CRTC1: variants seen among roughly 807,000 people sequenced by gnomAD.
The protein encoded by CRTC1 is CREB regulated transcription coactivator 1.
CRTC1 carries 18 observed loss-of-function variants against 66.1 expected under a neutral mutation model. The observed-to-expected ratio is 0.27, with a 90% CI of 0.19 to 0.40. CRTC1 has a LOEUF of 0.40. Among genes scored for constraint, CRTC1 ranks in the 10% least tolerant of loss-of-function variants. The probability of loss-of-function intolerance (pLI) is 1.00; values close to 1 mark genes in which losing one functional copy is unlikely to be tolerated. For missense variants in CRTC1, 669 were observed against 887.9 expected, an observed-to-expected ratio of 0.75 and a Z score of 3.13; for synonymous variants, 416 against 398.8, an observed-to-expected ratio of 1.04 and a Z score of -0.51.
intron 1 of CRTC1, among the ~76,000 whole-genome samples, chr19:18,700,442 C>G (rs114786535): frequency 6.6e-5 from 10 of 152,104 alleles, no homozygotes; most frequent in African/African-American, 2.4e-4. Context: ...GCAGGCCGCC[C>G]TTCTCTTCCC....
At chr19:18,696,625 A>G (rs1568480716) in intron 1 of CRTC1, among the ~76,000 whole-genome samples, 1 of 152,114 alleles carries the variant, frequency 6.6e-6, no homozygotes, top group East Asian at 1.9e-4. Flanking sequence ...GCTGAGCCTC[A>G]GTTCATGTTC....
rs759958369 is a variant in CRTC1 at position 18,777,168 on chromosome 19, C to T, written c.1694-3C>T. On this transcript the variant is annotated splice_polypyrimidine_tract_variant and splice_region_variant and intron_variant, in intron 13 of 13. Coordinates refer to ENST00000321949, the MANE Select transcript of CRTC1 (RefSeq NM_015321.3). This position sits in a 1 kb window ranked among gnomAD's most constrained non-coding sequence, Gnocchi z 5.5. ...TGCCTTTTGTCCCCACCCCATCCCC[C>T]AGTGACAGGAGAGTCCCCCCCCAGC... The T allele has an allele frequency of 4.0e-6, 6 of 1,502,970 alleles. No homozygotes were observed. In the Admixed American group the frequency reaches 8.4e-5, roughly 21 times the overall value. 93.1% of individuals were successfully genotyped at this position (1,502,970 alleles called of 1,614,324 possible). A position where few individuals can be genotyped will look rare whatever the true frequency, so the allele number is the denominator to read the frequency against.
intron 1 of CRTC1, among the ~76,000 whole-genome samples, chr19:18,728,248 C>T (rs1039347318): frequency 6.6e-5 from 10 of 152,164 alleles, no homozygotes; most frequent in East Asian, 1.9e-4. Context: ...TGTCCCGTCC[C>T]GGCCCATCTC....
chr19:18,742,901 C>G lies in CRTC1; in HGVS notation c.127-9C>G, dbSNP rs1366534479. Reference sequence around the variant, plus strand: ...ACCCCTCCCGCAGCTGCTGGCTTCTCTCTCGCAGCTCCAGCTCCAGAAATC... The same window carrying G: ...ACCCCTCCCGCAGCTGCTGGCTTCTGTCTCGCAGCTCCAGCTCCAGAAATC... On this transcript the variant is annotated splice_polypyrimidine_tract_variant and intron_variant, in intron 1 of 13. Coordinates refer to ENST00000321949, the MANE Select transcript of CRTC1 (RefSeq NM_015321.3). The G allele has an allele frequency of 3.7e-6, 6 of 1,608,160 alleles. No individual in the cohort carries two copies. The highest frequency in any genetic ancestry group is 1.7e-5 in the Admixed American group (1 of 60,020).
At chr19:18,749,896 T>G (rs1454709265) in intron 5 of CRTC1, 21 bp downstream of exon 5, 3 of 1,602,452 alleles carry the variant, frequency 1.9e-6, no homozygotes, top group Non-Finnish European at 2.6e-6. Context: ...GGGACTCGGG[T>G]GTCTCTGCTG....
chr19:18,753,144 C>T (rs540854452), intron 5 of CRTC1, among the ~76,000 whole-genome samples: 33 of 151,904 alleles, frequency 2.2e-4, no homozygotes, highest in African/African-American at 7.0e-4. Context: ...GGCATCGTGG[C>T]GGGCACCTGT....
intron 1 of CRTC1, among the ~76,000 whole-genome samples, chr19:18,725,970 C>T (rs929663866): frequency 1.3e-5 from 2 of 152,226 alleles, no homozygotes; most frequent in African/African-American, 4.8e-5. Context: ...CTGCCTGTGC[C>T]CATGCAGATC....
In CRTC1 at chr19:18,741,834, C is replaced by T. The variant is rs903214546; in HGVS notation, c.127-1076C>T. Among the ~76,000 whole-genome samples, 15 of 152,212 alleles carry T rather than the reference C, an allele frequency of 9.9e-5. No individual in the cohort carries two copies. The highest frequency in any genetic ancestry group is 3.6e-4 in the African/African-American group (15 of 41,458). Reference sequence around the variant, plus strand: ...GCGAGGTGCTCAGCCGGGCAGGTGGCCAGTTCCCGGGCTTTACTTCCGCCT... The same window carrying T: ...GCGAGGTGCTCAGCCGGGCAGGTGGTCAGTTCCCGGGCTTTACTTCCGCCT... On this transcript the variant is annotated intron_variant, in intron 1 of 13. Coordinates refer to ENST00000321949, the MANE Select transcript of CRTC1 (RefSeq NM_015321.3). This position sits in a 1 kb window ranked among gnomAD's most constrained non-coding sequence, Gnocchi z 4.2.
chr19:18,717,585 C>T (rs907832692), intron 1 of CRTC1, among the ~76,000 whole-genome samples: 5 of 152,296 alleles, frequency 3.3e-5, no homozygotes, highest in African/African-American at 9.6e-5. Flanking sequence ...GAGGCAGACA[C>T]AGATGCGTGC....
Position 18,710,001 on chromosome 19 carries a change from T to C in CRTC1, c.126+26173T>C, listed in dbSNP as rs114587103. Among the ~76,000 whole-genome samples, 957 of 152,232 alleles carry C rather than the reference T, an allele frequency of 6.3e-3. 14 individuals carry two copies. The highest frequency in any genetic ancestry group is 0.022 in the African/African-American group (916 of 41,538). ...CCACAAAGCTCAGCTCTCTTGAGGC[T>C]CTGAGCCCAGCACCCGCCCCCCCAC... On this transcript the variant is annotated intron_variant, in intron 1 of 13. Coordinates refer to ENST00000321949, the MANE Select transcript of CRTC1 (RefSeq NM_015321.3).
Position 18,703,715 on chromosome 19 carries a change from G to A in CRTC1, c.126+19887G>A, listed in dbSNP as rs137889144. Among the ~76,000 whole-genome samples, 526 of 152,160 alleles carry A rather than the reference G, an allele frequency of 3.5e-3. 3 individuals are homozygous for A. Among genetic ancestry groups the A allele is most frequent in the African/African-American group, 0.011 (474 of 41,538 alleles). ...TGACCTCAGATGATTCGCTTGCCTT[G>A]GCCTCCCAAAGTGCTAGGATTATAG... On this transcript the variant is annotated intron_variant, in intron 1 of 13. Transcript: ENST00000321949.
At chr19:18,692,297 A>C (rs1429090140) in intron 1 of CRTC1, among the ~76,000 whole-genome samples, 2 of 152,228 alleles carry the variant, frequency 1.3e-5, no homozygotes, top group Non-Finnish European at 2.9e-5. Context: ...GAAGTCCACA[A>C]GGTTACCTGG....
At chr19:18,701,466 T>C (rs1411229748) in intron 1 of CRTC1, among the ~76,000 whole-genome samples, 2 of 152,234 alleles carry the variant, frequency 1.3e-5, no homozygotes, top group Non-Finnish European at 2.9e-5. Context: ...GGGGCAACAG[T>C]GAGAGCAGGA....
chr19:18,772,750 C>T (rs1222847260), intron 11 of CRTC1, among the ~76,000 whole-genome samples: 2 of 152,188 alleles, frequency 1.3e-5, no homozygotes, highest in African/African-American at 2.4e-5. Flanking sequence ...CAGCAGTGGT[C>T]TCGGGGAGGC....
chr19:18,718,949 T>A (rs148347113), intron 1 of CRTC1, among the ~76,000 whole-genome samples: 74 of 152,182 alleles, frequency 4.9e-4, no homozygotes, highest in African/African-American at 1.5e-3. Flanking sequence ...TTGAACTGAA[T>A]GAATAAAGAG....
At chr19:18,698,435 G>A (rs571074635) in intron 1 of CRTC1, among the ~76,000 whole-genome samples, 13 of 150,226 alleles carry the variant, frequency 8.7e-5, no homozygotes, top group African/African-American at 3.0e-4. Flanking sequence ...TGTGTACTCA[G>A]CAAGTGCTTA....
chr19:18,769,475 C>T (rs2054813926), intron 10 of CRTC1, among the ~76,000 whole-genome samples: 1 of 152,250 alleles, frequency 6.6e-6, no homozygotes, highest in Non-Finnish European at 1.5e-5. Flanking sequence ...ACTGCCAGCC[C>T]CAGGCTAAAT....
chr19:18,731,490 C>T (rs1203884491), intron 1 of CRTC1, among the ~76,000 whole-genome samples: 2 of 152,220 alleles, frequency 1.3e-5, no homozygotes, highest in South Asian at 2.1e-4. Context: ...ATTTCAAGAT[C>T]CCGCACTAAT....
intron 1 of CRTC1, among the ~76,000 whole-genome samples, chr19:18,687,011 CT>C (rs35032428): frequency 0.011 from 1,155 of 103,384 alleles, 5 homozygotes; most frequent in Non-Finnish European, 0.017. Flanking sequence ...GACTGAGAAA[CT>C]TTTTTTTTTT....
Sources: allele counts gnomAD v4.1 joint callset (sites outside exome capture counted in the v4.1 genomes callset), GRCh38; gene constraint gnomAD v4.1.1; non-coding constraint Gnocchi (gnomAD v3.1); transcripts MANE v1.5; gene names NCBI Gene and HGNC (gene_info 2026-07-23, HGNC 2026-07-21).